SORCS3: variants seen among roughly 807,000 people sequenced by gnomAD.
SORCS3 encodes VPS10 domain-containing receptor SorCS3.
A neutral mutation model predicts 146.3 loss-of-function variants in SORCS3; 57 were observed. That is an observed-to-expected ratio of 0.39 (90% CI 0.31 to 0.49). The LOEUF (loss-of-function observed/expected upper bound fraction) is 0.49, where lower values mean the gene tolerates loss of function less well. SORCS3 is among the 20% of genes least tolerant of loss of function. The pLI is 0.92. For synonymous variants in SORCS3, 653 were observed against 618.5 expected, an observed-to-expected ratio of 1.06 and a Z score of -0.83; for missense variants, 1,341 against 1,575.5, an observed-to-expected ratio of 0.85 and a Z score of 2.52.
chr10:104,773,477 T>C (rs1028029311), intron 1 of SORCS3, among the ~76,000 whole-genome samples: 2 of 152,192 alleles, frequency 1.3e-5, no homozygotes, highest in African/African-American at 4.8e-5. Context: ...ACTATGGAAA[T>C]TGGTAAATGC....
chr10:105,176,403 AT>A (rs1374508935), intron 13 of SORCS3, among the ~76,000 whole-genome samples: 1 of 151,674 alleles, frequency 6.6e-6, no homozygotes, highest in African/African-American at 2.4e-5. Flanking sequence ...AAAAAAAAAA[AT>A]TAGCCAGGTC....
intron 1 of SORCS3, among the ~76,000 whole-genome samples, chr10:104,739,367 T>C (rs909378604): frequency 5.9e-5 from 9 of 152,184 alleles, no homozygotes; most frequent in Admixed American, 4.6e-4. Flanking sequence ...TATTGTCACA[T>C]AGAAGTTCAC....
At chr10:105,135,394 G>A (rs1343913937) in intron 7 of SORCS3, among the ~76,000 whole-genome samples, 1 of 152,168 alleles carries the variant, frequency 6.6e-6, no homozygotes, top group African/African-American at 2.4e-5. Context: ...TGGCAGCCTG[G>A]AAGATCTCTG....
intron 1 of SORCS3, among the ~76,000 whole-genome samples, chr10:104,805,170 A>G (rs1015873466): frequency 6.6e-6 from 1 of 152,230 alleles, no homozygotes; most frequent in Non-Finnish European, 1.5e-5. Context: ...GGAAGGAGAC[A>G]TGTACACAAA....
At chr10:105,190,046 T>C (rs1466585003) in intron 14 of SORCS3, among the ~76,000 whole-genome samples, 1 of 152,252 alleles carries the variant, frequency 6.6e-6, no homozygotes, top group East Asian at 1.9e-4. Context: ...TTCTGCCTTT[T>C]ATGCAAACAG....
At chr10:105,090,926 A>AAC (rs1473524117) in intron 6 of SORCS3, among the ~76,000 whole-genome samples, 1 of 152,236 alleles carries the variant, frequency 6.6e-6, no homozygotes, top group Non-Finnish European at 1.5e-5. Flanking sequence ...TCTGCAGGAG[A>AAC]AATCTACTGT....
chr10:105,115,725 G>T (rs1019466373), intron 7 of SORCS3, among the ~76,000 whole-genome samples: 1 of 152,026 alleles, frequency 6.6e-6, no homozygotes, highest in Non-Finnish European at 1.5e-5. Flanking sequence ...TCTATGATGT[G>T]GCTACTGTAT....
At chr10:104,655,706 T>C (rs1423061554) in intron 1 of SORCS3, among the ~76,000 whole-genome samples, 1 of 152,176 alleles carries the variant, frequency 6.6e-6, no homozygotes, top group East Asian at 1.9e-4. Context: ...ATCCTCTTGG[T>C]ACTGTCCTTG....
At chr10:104,856,557 T>TATTTGTGTATTCAC (rs2018334878) in intron 2 of SORCS3, among the ~76,000 whole-genome samples, 1 of 145,780 alleles carries the variant, frequency 6.9e-6, no homozygotes, top group African/African-American at 2.5e-5. Context: ...CATAGAAATG[T>TATTTGTGTATTCAC]ATGTATTTGT....
At chr10:104,956,570 A>G (rs1004239340) in intron 3 of SORCS3, among the ~76,000 whole-genome samples, 23 of 151,764 alleles carry the variant, frequency 1.5e-4, no homozygotes, top group African/African-American at 5.1e-4. Context: ...TCTCCTCTCA[A>G]CCCACCATGG....
intron 1 of SORCS3, among the ~76,000 whole-genome samples, chr10:104,814,020 C>T (rs958413228): frequency 5.3e-5 from 8 of 149,704 alleles, no homozygotes; most frequent in African/African-American, 2.0e-4. Context: ...AGTCACTTTG[C>T]AACTTAAGTA....
At chr10:104,971,465 G>C (rs1437713071) in intron 3 of SORCS3, among the ~76,000 whole-genome samples, 2 of 152,214 alleles carry the variant, frequency 1.3e-5, no homozygotes, top group African/African-American at 4.8e-5. Context: ...TGGGCTTTTT[G>C]CTAAACATGG....
chr10:105,066,976 C>T (rs1305518115), intron 5 of SORCS3, among the ~76,000 whole-genome samples: 1 of 152,180 alleles, frequency 6.6e-6, no homozygotes, highest in Non-Finnish European at 1.5e-5. Context: ...GGAAGAATAG[C>T]TGTACCTTCT....
At position 105,264,652 on chromosome 10, in the gene SORCS3, A is replaced by T. The variant is rs566013579; in HGVS notation, c.*1278A>T. The T allele has an allele frequency of 4.6e-5, 7 of 152,772 alleles. No individual in the cohort carries two copies. In the South Asian group the frequency reaches 1.5e-3, roughly 32 times the overall value. 9.5% of individuals were successfully genotyped at this position (152,772 alleles called of 1,614,324 possible). ...CAAAGCTGTGCTATTTGCTTGTCAG[A>T]TGTACACAACTTCCTTAAAGTCAAA... On this transcript the variant is annotated 3_prime_UTR_variant, in exon 27 of 27. Transcript: ENST00000369701.
intron 1 of SORCS3, among the ~76,000 whole-genome samples, chr10:104,806,370 T>A (rs1321220899): frequency 6.6e-6 from 1 of 152,228 alleles, no homozygotes; most frequent in African/African-American, 2.4e-5. Context: ...TGTCTCTGAA[T>A]GTGACTTATG....
intron 5 of SORCS3, among the ~76,000 whole-genome samples, chr10:105,071,576 C>A (rs74680727): frequency 1.3e-5 from 2 of 151,900 alleles, no homozygotes; most frequent in South Asian, 2.1e-4. Context: ...TTATGGGGCA[C>A]GTGAGATGTT....
chr10:105,236,077 A>C (rs990143676), intron 20 of SORCS3, among the ~76,000 whole-genome samples: 3 of 152,134 alleles, frequency 2.0e-5, no homozygotes, highest in Admixed American at 6.5e-5. Context: ...TATGTGCCTC[A>C]TATTTTCAAA....
At chr10:104,699,609 G>A (rs2133429653) in intron 1 of SORCS3, among the ~76,000 whole-genome samples, 1 of 152,252 alleles carries the variant, frequency 6.6e-6, no homozygotes, top group Non-Finnish European at 1.5e-5. Context: ...GTGGAAGTAG[G>A]AATATGATGG....
chr10:105,131,152 G>T (rs960822256), intron 7 of SORCS3, among the ~76,000 whole-genome samples: 4 of 152,100 alleles, frequency 2.6e-5, no homozygotes, highest in Non-Finnish European at 5.9e-5. Flanking sequence ...AATTATGGAA[G>T]TAGAGAGAGA....
Sources: allele counts gnomAD v4.1 joint callset (sites outside exome capture counted in the v4.1 genomes callset), GRCh38; gene constraint gnomAD v4.1.1; transcripts MANE v1.5; gene names NCBI Gene and HGNC (gene_info 2026-07-23, HGNC 2026-07-21).